The following RSRP1 variants were observed in gnomAD, a reference collection of about 807,000 sequenced individuals.
The protein encoded by RSRP1 is arginine and serine rich protein 1, also known as arginine/serine-rich protein 1.
RSRP1 carries 37 observed loss-of-function variants against 33.0 expected under a neutral mutation model. The observed-to-expected ratio is 1.12, with a 90% CI of 0.86 to 1.48. RSRP1 has a LOEUF of 1.48. RSRP1 is among the 40% of genes most tolerant of loss of function. The pLI, the probability that RSRP1 is intolerant of heterozygous loss-of-function variation, is 0.00. For synonymous variants in RSRP1, 167 were observed against 158.7 expected, an observed-to-expected ratio of 1.05 and a Z score of -0.40; for missense variants, 402 against 385.3, an observed-to-expected ratio of 1.04 and a Z score of -0.36.
intron 2 of RSRP1, among the ~76,000 whole-genome samples, chr1:25,245,509 G>A (rs919339112): frequency 3.9e-5 from 6 of 152,112 alleles, no homozygotes; most frequent in South Asian, 4.1e-4. Context: ...CTTACTAAAT[G>A]CAGATAGAAA....
chr1:25,268,768 T>C lies in RSRP1; in HGVS notation c.-66-21739A>G, dbSNP rs1640404127. On this transcript the variant is annotated intron_variant, in intron 1 of 1. Coordinates refer to the RSRP1 transcript ENST00000561867. Reference sequence around the variant, plus strand: ...TTCAAGACCAGCCTGGCCAACCTGGTGAAATCCTGTCTCTACTAAAAAAAC... The same window carrying C: ...TTCAAGACCAGCCTGGCCAACCTGGCGAAATCCTGTCTCTACTAAAAAAAC... 1.6e-5 allele frequency among the ~76,000 whole-genome samples: 2 copies of C among 128,434 alleles called. 1 individual carries two copies. The highest frequency in any genetic ancestry group is 3.7e-5 in the Non-Finnish European group (2 of 54,384). The allele number at this position is 128,434 out of a possible 152,430, so 84.3% of individuals were successfully genotyped here.
chr1:25,312,954 A>AC, intron 1 of RSRP1, among the ~76,000 whole-genome samples: 1 of 110,990 alleles, frequency 9.0e-6, no homozygotes, highest in African/African-American at 3.0e-5. Context: ...AAAAAAAAAA[A>AC]ACTTTAGTGC....
chr1:25,310,699 C>T (rs1240794508), intron 1 of RSRP1, among the ~76,000 whole-genome samples: 3 of 132,568 alleles, frequency 2.3e-5, no homozygotes, highest in Admixed American at 1.5e-4. Flanking sequence ...ATGCCAGGCA[C>T]GGTGTCTCAG....
rs1420012688 is a variant in RSRP1, at chr1:25,267,885, C to A, written c.-66-20856G>T. The stretch of plus-strand genomic sequence containing the variant: ...CTGTGAACCCAGAGCGGCGGAAAGC[C>A]CCTGAACCCAGCGCCCGGGCATGCG... On this transcript the variant is annotated intron_variant, in intron 1 of 1. Transcript: ENST00000561867. 1.5e-5 allele frequency: 2 copies of A among 131,838 alleles called. 1 individual carries two copies. The highest frequency in any genetic ancestry group is 3.6e-5 in the Non-Finnish European group (2 of 55,566). 8.2% of individuals were successfully genotyped at this position (131,838 alleles called of 1,614,324 possible).
chr1:25,301,688 T>A, intron 1 of RSRP1: 1 of 1,378,750 alleles, frequency 7.3e-7, no homozygotes, highest in Non-Finnish European at 1.0e-6. Context: ...ATCAGCAAGG[T>A]GAGCAGGGCG....
At chr1:25,291,074 T>A (rs1225188490) in intron 1 of RSRP1, among the ~76,000 whole-genome samples, 3 of 130,496 alleles carry the variant, frequency 2.3e-5, no homozygotes, top group African/African-American at 7.9e-5. Context: ...AAGGATTGTT[T>A]GAGCCCAGGA....
rs1369319487 is a variant in RSRP1, at chr1:25,318,049, G to A, written c.-67+19929C>T. On this transcript the variant is annotated intron_variant, in intron 1 of 1. Transcript: ENST00000561867. Reference sequence around the variant, plus strand: ...GCCAGGTGAAAATATGTGGCTAGGTGCAGTGGCTCATACCTGTAATTGCAG... The same window carrying A: ...GCCAGGTGAAAATATGTGGCTAGGTACAGTGGCTCATACCTGTAATTGCAG... 7 of 131,692 alleles carry A rather than the reference G, an allele frequency of 5.3e-5. 1 individual carries two copies. The highest frequency in any genetic ancestry group is 2.0e-4 in the East Asian group (1 of 5,116). 8.2% of individuals were successfully genotyped at this position (131,692 alleles called of 1,614,324 possible). A position where few individuals can be genotyped will look rare whatever the true frequency, so the allele number is the denominator to read the frequency against.
intron 1 of RSRP1, among the ~76,000 whole-genome samples, chr1:25,256,184 T>TA (rs974754105): frequency 6.7e-6 from 1 of 149,350 alleles, no homozygotes; most frequent in Non-Finnish European, 1.5e-5. Flanking sequence ...AGAGTCTCAC[T>TA]AGCTCTGTTG....
intron 2 of RSRP1, chr1:25,245,892 G>T (rs1447038476): frequency 6.4e-6 from 1 of 155,566 alleles, no homozygotes; most frequent in African/African-American, 2.4e-5. Context: ...CTACTAAAGT[G>T]TATTTCTACC....
chr1:25,306,710 G>C (rs376674958), intron 1 of RSRP1: 2 of 1,377,824 alleles, frequency 1.5e-6, no homozygotes, highest in Non-Finnish European at 2.0e-6. Context: ...GCTTGATACC[G>C]TCGGAGCCGG....
At position 25,306,309 on chromosome 1, in the gene RSRP1, A is replaced by G. The variant is rs150164545; in HGVS notation, c.-67+31669T>C. 2.4e-3 allele frequency among the ~76,000 whole-genome samples: 311 copies of G among 131,348 alleles called. 50 individuals are homozygous for G. The highest frequency in any genetic ancestry group is 7.7e-3 in the African/African-American group (294 of 38,178). The allele number at this position is 131,348 out of a possible 152,430, so 86.2% of individuals were successfully genotyped here. A position where few individuals can be genotyped will look rare whatever the true frequency, so the allele number is the denominator to read the frequency against. On this transcript the variant is annotated intron_variant, in intron 1 of 1. Transcript: ENST00000561867. ...AAATTGTGAACAGTGTCTACACTAG[A>G]CCCTTGCTACTCATAGTGTGGTCCG...
At chr1:25,272,961 C>T (rs1395838156) in intron 1 of RSRP1, among the ~76,000 whole-genome samples, 3 of 132,020 alleles carry the variant, frequency 2.3e-5, no homozygotes, top group African/African-American at 7.7e-5. Flanking sequence ...CCTCAAATTC[C>T]CTCTACCAAA....
Position 25,245,316 on chromosome 1 carries a change from G to C in RSRP1, c.521-15C>G. ...CTCCATTCGATCTAAAAAAAAAAGAGAGAGATTTTAAAATACTCATTAATC... is the reference window on the plus strand; with the variant it reads ...CTCCATTCGATCTAAAAAAAAAAGACAGAGATTTTAAAATACTCATTAATC... On this transcript the variant is annotated splice_polypyrimidine_tract_variant and intron_variant, in intron 2 of 4. Coordinates refer to ENST00000243189, the MANE Select transcript of RSRP1 (RefSeq NM_020317.5). 1.3e-6 allele frequency: 2 copies of C among 1,597,518 alleles called. No homozygotes were observed. Among genetic ancestry groups the C allele is most frequent in the Non-Finnish European group, 1.7e-6 (2 of 1,169,258 alleles).
Position 25,246,770 on chromosome 1 carries a change from C to T in RSRP1, c.194G>A (p.Arg65His), listed in dbSNP as rs368335383. The T allele has an allele frequency of 2.5e-6, 4 of 1,611,294 alleles. No homozygotes were observed. In the South Asian group the frequency reaches 4.4e-5, roughly 18 times the overall value. ...CTTCCGCTGGTGGCGCCTTCGGGAACGGGACCTGGACTTGCTCCTCCGACT... is the reference window on the plus strand; with the variant it reads ...CTTCCGCTGGTGGCGCCTTCGGGAATGGGACCTGGACTTGCTCCTCCGACT... ...SRSRRSKSRSRSRRRHQRKYR... is the reference protein window; with the variant it reads ...SRSRRSKSRSHSRRRHQRKYR... The change falls in exon 2 of 5, where the codon CGT (arginine) becomes CAT (histidine). Residue 65 changes from arginine (R) to histidine (H), a missense_variant. Transcript: ENST00000243189.
At chr1:25,293,623 A>C (rs1426046399) in intron 1 of RSRP1, among the ~76,000 whole-genome samples, 1 of 131,342 alleles carries the variant, frequency 7.6e-6, no homozygotes. Flanking sequence ...AGGATTTAGA[A>C]ATTTATAATA....
At chr1:25,252,279 C>A (rs143990463), upstream of RSRP1, among the ~76,000 whole-genome samples, 141 of 151,778 alleles carry the variant, frequency 9.3e-4, 1 homozygote, top group East Asian at 0.013. Context: ...TGCACAGGTA[C>A]AAGCAAACAC....
chr1:25,336,873 T>C (rs1193367268), intron 1 of RSRP1, among the ~76,000 whole-genome samples: 2 of 151,888 alleles, frequency 1.3e-5, no homozygotes, highest in Non-Finnish European at 2.9e-5. Context: ...TTTTATCTAC[T>C]AATCGGCTAA....
At position 25,319,285 on chromosome 1, in the gene RSRP1, A is replaced by C. The variant is rs1324966277; in HGVS notation, c.-67+18693T>G. ...GTTCCTTTAAGAGTTAAGACCAACA[A>C]GTTTTCTTCTTTACATGTTGTTTTT... On this transcript the variant is annotated intron_variant, in intron 1 of 1. Coordinates refer to the RSRP1 transcript ENST00000561867. Among the ~76,000 whole-genome samples, 4 of 131,758 alleles carry C rather than the reference A, an allele frequency of 3.0e-5. 1 individual carries two copies. Among genetic ancestry groups the C allele is most frequent in the African/African-American group, 1.0e-4 (4 of 38,648 alleles). The allele number at this position is 131,758 out of a possible 152,430, so 86.4% of individuals were successfully genotyped here. A position where few individuals can be genotyped will look rare whatever the true frequency, so the allele number is the denominator to read the frequency against.
At chr1:25,289,251 G>A (rs552610184) in intron 1 of RSRP1, among the ~76,000 whole-genome samples, 1 of 132,670 alleles carries the variant, frequency 7.5e-6, no homozygotes, top group Non-Finnish European at 1.8e-5. Context: ...CTGGAGTGCA[G>A]TGGTGCAGTC....
Sources: allele counts gnomAD v4.1 joint callset (sites outside exome capture counted in the v4.1 genomes callset), GRCh38; gene constraint gnomAD v4.1.1; transcripts MANE v1.5; gene names NCBI Gene and HGNC (gene_info 2026-07-23, HGNC 2026-07-21).